Variants in AGL observed in about 807,000 individuals in gnomAD.
AGL encodes glycogen debranching enzyme.
In AGL, 128 loss-of-function variants were observed where a neutral mutation model predicts 199.3. The observed-to-expected ratio is 0.64, with a 90% CI of 0.56 to 0.74. AGL has a LOEUF of 0.74. Ranked by LOEUF, AGL falls within the 30% of genes least tolerant of loss-of-function variation. AGL has a pLI of 0.00. For synonymous variants in AGL, 584 were observed against 594.7 expected (o/e 0.98, Z 0.26); for missense variants, 1,809 against 1,820.8 (o/e 0.99, Z 0.12).
chr1:99,916,373 C>G, intron 31 of AGL, 37 bp from the exon 32 acceptor site: 1 of 1,446,770 alleles, frequency 6.9e-7, no homozygotes, highest in Non-Finnish European at 9.6e-7. Context: ...AATATCTGAT[C>G]ATCTTTTATT....
At chr1:99,907,580 A>C (rs1011743618) in intron 27 of AGL, among the ~76,000 whole-genome samples, 1 of 151,862 alleles carries the variant, frequency 6.6e-6, no homozygotes, top group South Asian at 2.1e-4. Flanking sequence ...AATAGTAAAC[A>C]GGCTTCCATT....
At chr1:99,888,851 C>T (rs148799082) in intron 21 of AGL, among the ~76,000 whole-genome samples, 1,929 of 152,256 alleles carry the variant, frequency 0.013, 24 homozygotes, top group Middle Eastern at 0.088. Flanking sequence ...TTGCATCTTT[C>T]ATAAAACCTT....
intron 27 of AGL, among the ~76,000 whole-genome samples, chr1:99,903,070 A>G (rs1261007859): frequency 1.3e-5 from 2 of 152,200 alleles, no homozygotes; most frequent in African/African-American, 4.8e-5. Context: ...CATTGTGGTA[A>G]CTACTTTACC....
At chr1:99,904,251 A>G (rs902675256) in intron 27 of AGL, among the ~76,000 whole-genome samples, 11 of 152,154 alleles carry the variant, frequency 7.2e-5, no homozygotes, top group African/African-American at 2.7e-4. Context: ...TTTATTCCCC[A>G]TTCCCCTTAG....
rs761566478 is a variant in AGL, at chr1:99,892,521, T to G, written c.3173T>G (p.Ile1058Ser). Reference protein sequence around the residue: ...CGVGKFPSLPILSPALMDVPY... With the variant: ...CGVGKFPSLPSLSPALMDVPY... ...GTAGGAAAATTCCCTTCCCTGCCAA[T>G]TCTTTCACCTGCCCTAATGGATGTA... Residue 1058 changes from isoleucine to serine, a missense_variant, in exon 24 of 34, where the codon ATT (isoleucine) becomes AGT (serine). Coordinates refer to ENST00000361915, the MANE Select transcript of AGL (RefSeq NM_000642.3). 5.6e-6 allele frequency: 9 copies of G among 1,613,574 alleles called. No homozygotes were observed. In the East Asian group the frequency reaches 2.0e-4, roughly 36 times the overall value.
Position 99,921,580 on chromosome 1 carries a change from T to A in AGL, c.4528T>A (p.Tyr1510Asn). ...AGAACTGACCAATGAGAATGCCCAG[T>A]ACTGTCCTTTCAGCTGTGAAACACA... Reference protein sequence around the residue: ...LPELTNENAQYCPFSCETQAW... With the variant: ...LPELTNENAQNCPFSCETQAW... The change falls in exon 34 of 34, where the codon TAC becomes AAC. Residue 1510 changes from tyrosine to asparagine, a missense_variant. Coordinates refer to ENST00000361915, the MANE Select transcript of AGL (RefSeq NM_000642.3). The A allele has an allele frequency of 6.2e-7, 1 of 1,613,246 alleles. No individual in the cohort carries two copies. Among genetic ancestry groups the A allele is most frequent in the Non-Finnish European group, 8.5e-7 (1 of 1,179,482 alleles).
intron 14 of AGL, 94 bp downstream of exon 14, chr1:99,880,889 A>G (rs1439107789): frequency 1.2e-5 from 17 of 1,441,366 alleles, no homozygotes; most frequent in South Asian, 9.2e-5. Flanking sequence ...ATATACTTCA[A>G]AATAGTGTCT....
intron 2 of AGL, among the ~76,000 whole-genome samples, chr1:99,857,847 A>AGGGAGACCGGGGGGGGGGGGAGGGGGT (rs1649685231): frequency 1.2e-4 from 1 of 8,226 alleles, no homozygotes; most frequent in Non-Finnish European, 2.4e-4. Context: ...GGGGAGGGGG[A>AGGGAGACCGGGGGGGGGGGGAGGGGGT]GGGGGGAAGA....
chr1:99,874,809 G>A lies in AGL; in HGVS notation c.1081G>A (p.Asp361Asn). ...NIALTTFIPH[D>N]KGPAAIEECC... ...TGCACTAACGACTTTCATACCACAT[G>A]AGTATGTAATGTGTTTTTTTCTGTG... The change falls in exon 8 of 34, where the codon GAC becomes AAC. Residue 361 changes from aspartate to asparagine, a missense_variant and splice_region_variant. By Grantham distance (23) the Asp-to-Asn change is conservative (BLOSUM62 1). Transcript: ENST00000361915. The A allele has an allele frequency of 1.2e-6, 2 of 1,613,498 alleles. No individual in the cohort carries two copies. Among genetic ancestry groups the A allele is most frequent in the Middle Eastern group, 1.7e-4 (1 of 6,060 alleles).
At position 99,900,747 on chromosome 1, in the gene AGL, G is replaced by A. The variant is rs2100818347; in HGVS notation, c.3474G>A (p.Leu1158=). Reference sequence around the variant, plus strand: ...GTCGGGATGCTGTGTGGTGGTGGCTGCAGTGTATCCAGGATTACTGTAAAA... The same window carrying A: ...GTCGGGATGCTGTGTGGTGGTGGCTACAGTGTATCCAGGATTACTGTAAAA... ...YNCRDAVWWW[L]QCIQDYCKMV... is the part of the protein sequence containing the mutation. The change falls in exon 26 of 34, where the codon CTG becomes CTA. Residue 1158 remains leucine, a synonymous_variant. Transcript: ENST00000361915. The A allele has an allele frequency of 1.9e-6, 3 of 1,614,124 alleles. No individual in the cohort carries two copies.
At chr1:99,914,901 A>G in intron 30 of AGL, among the ~76,000 whole-genome samples, 1 of 152,110 alleles carries the variant, frequency 6.6e-6, no homozygotes, top group East Asian at 1.9e-4. Flanking sequence ...ACATAGTGAG[A>G]CTTCATCTCC....
At chr1:99,857,433 C>G (rs1273395924) in intron 2 of AGL, among the ~76,000 whole-genome samples, 3 of 152,260 alleles carry the variant, frequency 2.0e-5, no homozygotes, top group Admixed American at 2.0e-4. Context: ...AGGCTGCAGT[C>G]TCGGCACTTT....
chr1:99,905,239 C>G (rs567800557), intron 27 of AGL, among the ~76,000 whole-genome samples: 6 of 152,228 alleles, frequency 3.9e-5, no homozygotes, highest in Non-Finnish European at 7.4e-5. Context: ...GCTCTGTCCC[C>G]CAGCTGGAGT....
chr1:99,861,196 A>G (rs1407338528), intron 2 of AGL: 3 of 1,227,542 alleles, frequency 2.4e-6, no homozygotes, highest in African/African-American at 1.6e-5. Flanking sequence ...ATGGGGGATC[A>G]TGGTAAATGG....
At chr1:99,866,467 AG>A (rs1650519478) in intron 5 of AGL, among the ~76,000 whole-genome samples, 1 of 152,184 alleles carries the variant, frequency 6.6e-6, no homozygotes, top group African/African-American at 2.4e-5. Flanking sequence ...AGTGGAAATG[AG>A]GAAAGGGCAG....
intron 2 of AGL, among the ~76,000 whole-genome samples, chr1:99,856,828 C>T (rs1649511238): frequency 6.6e-6 from 1 of 152,208 alleles, no homozygotes; most frequent in South Asian, 2.1e-4. Context: ...TAGAGTCTCC[C>T]ATGTCTACTT....
chr1:99,873,733 G>T (rs934728422), intron 7 of AGL, among the ~76,000 whole-genome samples: 2 of 151,990 alleles, frequency 1.3e-5, no homozygotes, highest in Non-Finnish European at 2.9e-5. Flanking sequence ...CATGCCCGGC[G>T]GCAGTTTTCA....
At chr1:99,854,599 A>G (rs1649256575) in intron 2 of AGL, among the ~76,000 whole-genome samples, 1 of 151,536 alleles carries the variant, frequency 6.6e-6, no homozygotes, top group Non-Finnish European at 1.5e-5. Context: ...CGTCTCTACT[A>G]AAAATACAAA....
At chr1:99,880,099 G>T in intron 13 of AGL, 53 bp downstream of exon 13, 9 of 1,609,292 alleles carry the variant, frequency 5.6e-6, no homozygotes, top group Non-Finnish European at 7.6e-6. Flanking sequence ...TGTTTAAGTA[G>T]ATTAAAGGAT....
Sources: allele counts gnomAD v4.1 joint callset (sites outside exome capture counted in the v4.1 genomes callset), GRCh38; gene constraint gnomAD v4.1.1; transcripts MANE v1.5; gene names NCBI Gene and HGNC (gene_info 2026-07-23, HGNC 2026-07-21).